The following DAPK1 variants were observed in gnomAD, a reference collection of about 807,000 sequenced individuals.
DAPK1 encodes death-associated protein kinase 1.
In DAPK1, 56 loss-of-function variants were observed where a neutral mutation model predicts 144.9. That is an observed-to-expected ratio of 0.39 (90% confidence interval 0.31 to 0.48). DAPK1 has a LOEUF of 0.48. Among genes scored for constraint, DAPK1 ranks in the 20% least tolerant of loss-of-function variants. The pLI, the probability that DAPK1 is intolerant of heterozygous loss-of-function variation, is 0.95. For missense variants in DAPK1, 1,454 were observed against 1,875.4 expected, an observed-to-expected ratio of 0.78 and a Z score of 4.15; for synonymous variants, 690 against 749.0, an observed-to-expected ratio of 0.92 and a Z score of 1.29.
At chr9:87,551,470 C>T (rs1826482906) in intron 2 of DAPK1, among the ~76,000 whole-genome samples, 1 of 152,156 alleles carries the variant, frequency 6.6e-6, no homozygotes, top group Admixed American at 6.5e-5. Context: ...TTAAGCCAAT[C>T]TGTTGGTTTC....
chr9:87,516,616 G>A (rs1825068177), intron 2 of DAPK1, among the ~76,000 whole-genome samples: 2 of 151,856 alleles, frequency 1.3e-5, no homozygotes, highest in South Asian at 4.2e-4. Flanking sequence ...ATTCTCTTAG[G>A]CCTCTGGTTT....
intron 2 of DAPK1, among the ~76,000 whole-genome samples, chr9:87,579,458 C>T (rs1283186655): frequency 6.6e-6 from 1 of 152,130 alleles, no homozygotes; most frequent in African/African-American, 2.4e-5. Flanking sequence ...CTTTGGGACC[C>T]TTCCAGAAGA....
chr9:87,690,915 C>A (rs1825032526), intron 21 of DAPK1, among the ~76,000 whole-genome samples: 1 of 151,874 alleles, frequency 6.6e-6, no homozygotes, highest in Admixed American at 6.6e-5. Context: ...ATTTGGTTTA[C>A]TAGTATATTG....
At chr9:87,583,647 C>T (rs574491626) in intron 2 of DAPK1, among the ~76,000 whole-genome samples, 4 of 152,250 alleles carry the variant, frequency 2.6e-5, no homozygotes, top group African/African-American at 7.2e-5. Context: ...TGCACCCCAC[C>T]GTGGAGTTCC....
chr9:87,626,526 A>C (rs1829502077), intron 3 of DAPK1, among the ~76,000 whole-genome samples: 1 of 152,228 alleles, frequency 6.6e-6, no homozygotes, highest in Admixed American at 6.5e-5. Flanking sequence ...AAGGTTATGC[A>C]GCCCAGCCTG....
intron 3 of DAPK1, among the ~76,000 whole-genome samples, chr9:87,624,886 G>C (rs988318234): frequency 2.1e-4 from 32 of 152,316 alleles, no homozygotes; most frequent in African/African-American, 7.5e-4. Flanking sequence ...AACACCCAGG[G>C]AGCATGTGAT....
At position 87,658,109 on chromosome 9, in the gene DAPK1, C is replaced by T. The variant is rs1230233700; in HGVS notation, c.1905C>T (p.Ser635=). 10 of 1,459,194 alleles carry T rather than the reference C, an allele frequency of 6.9e-6. No individual in the cohort carries two copies. The highest frequency in any genetic ancestry group is 6.7e-5 in the Admixed American group (4 of 59,388). The allele number at this position is 1,459,194 out of a possible 1,614,324, so 90.4% of individuals were successfully genotyped here. The change falls in exon 18 of 26, where the codon AGC becomes AGT. Residue 635 remains serine (S), a synonymous_variant. Coordinates refer to ENST00000408954, the MANE Select transcript of DAPK1 (RefSeq NM_004938.4). The part of the protein sequence containing the change: ...VVRYLCLMGA[S]VEALTTDGKT... Reference sequence around the variant, plus strand: ...GGTATCTCTGTCTGATGGGAGCCAGCGTTGAGGCGCTGACCACGGTGAGTG... The same window carrying T: ...GGTATCTCTGTCTGATGGGAGCCAGTGTTGAGGCGCTGACCACGGTGAGTG...
chr9:87,678,567 A>G (rs368421895), intron 19 of DAPK1, among the ~76,000 whole-genome samples: 14 of 152,264 alleles, frequency 9.2e-5, no homozygotes, highest in African/African-American at 3.1e-4. Flanking sequence ...TTATTTGCCA[A>G]TCTATAAAAT....
chr9:87,642,611 A>C (rs1830135098), intron 10 of DAPK1, among the ~76,000 whole-genome samples: 2 of 152,198 alleles, frequency 1.3e-5, no homozygotes, highest in Non-Finnish European at 2.9e-5. Context: ...TTCAGGGCTA[A>C]GAAGGTGATG....
intron 2 of DAPK1, among the ~76,000 whole-genome samples, chr9:87,550,519 CT>C (rs1489007192): frequency 6.6e-6 from 1 of 152,342 alleles, no homozygotes; most frequent in Non-Finnish European, 1.5e-5. Flanking sequence ...TGGCATTCTG[CT>C]TTTCTATGTC....
At chr9:87,612,846 G>A (rs903202027) in intron 3 of DAPK1, among the ~76,000 whole-genome samples, 4 of 152,142 alleles carry the variant, frequency 2.6e-5, no homozygotes, top group Non-Finnish European at 5.9e-5. Flanking sequence ...ACATCACCAG[G>A]TTCTGGCCTG....
intron 2 of DAPK1, among the ~76,000 whole-genome samples, chr9:87,549,454 A>G (rs1016327128): frequency 6.6e-6 from 1 of 152,200 alleles, no homozygotes; most frequent in Non-Finnish European, 1.5e-5. Context: ...GTTATATAGT[A>G]ATGAGATTGC....
At chr9:87,599,209 T>C (rs1376830178) in intron 2 of DAPK1, among the ~76,000 whole-genome samples, 1 of 152,244 alleles carries the variant, frequency 6.6e-6, no homozygotes, top group East Asian at 1.9e-4. Context: ...CATTTCTTAG[T>C]TATGCAACTT....
chr9:87,607,524 C>T (rs1284692374), intron 3 of DAPK1, among the ~76,000 whole-genome samples: 1 of 152,184 alleles, frequency 6.6e-6, no homozygotes, highest in Non-Finnish European at 1.5e-5. Flanking sequence ...GACCCCAATT[C>T]ATAGATAGTT....
intron 2 of DAPK1, among the ~76,000 whole-genome samples, chr9:87,516,754 C>T (rs753075883): frequency 5.9e-5 from 9 of 152,068 alleles, no homozygotes; most frequent in Non-Finnish European, 1.2e-4. Context: ...TATGTAGGCA[C>T]CCTGCGATTG....
intron 2 of DAPK1, among the ~76,000 whole-genome samples, chr9:87,557,536 G>C (rs1468901310): frequency 6.6e-6 from 1 of 152,054 alleles, no homozygotes; most frequent in African/African-American, 2.4e-5. Flanking sequence ...AATGATCTTG[G>C]GACAAAGCCA....
At chr9:87,676,865 C>G (rs944444077) in intron 19 of DAPK1, among the ~76,000 whole-genome samples, 1 of 152,214 alleles carries the variant, frequency 6.6e-6, no homozygotes, top group African/African-American at 2.4e-5. Context: ...CTGTCTGTTC[C>G]TGTCTCCTCT....
chr9:87,593,930 A>G (rs1402845391), intron 2 of DAPK1, among the ~76,000 whole-genome samples: 2 of 152,224 alleles, frequency 1.3e-5, no homozygotes, highest in Non-Finnish European at 2.9e-5. Flanking sequence ...GGAGCTGACC[A>G]GAACCACTCG....
At position 87,547,578 on chromosome 9, in the gene DAPK1, AGTGTGTGTGT is replaced by A. The variant is rs61564712; in HGVS notation, c.62+48457_62+48466del. On this transcript the variant is annotated intron_variant, in intron 2 of 25. Coordinates refer to ENST00000408954, the MANE Select transcript of DAPK1 (RefSeq NM_004938.4). ...CATAAGTGTGTGTGGAGAGAGAGAG[AGTGTGTGTGT>A]GTGTGTGTGTGTGTGTGCGTGTGTG... 2.6e-3 allele frequency among the ~76,000 whole-genome samples: 155 copies of A among 58,804 alleles called. 1 individual carries two copies. Among genetic ancestry groups the A allele is most frequent in the African/African-American group, 0.012 (146 of 12,664 alleles). 38.6% of individuals were successfully genotyped at this position (58,804 alleles called of 152,430 possible).
Sources: gnomAD v4.1 joint callset for allele counts (sites outside exome capture counted in the v4.1 genomes callset) on GRCh38, gnomAD v4.1.1 for gene constraint, MANE v1.5 for transcripts, NCBI Gene and HGNC (gene_info 2026-07-23, HGNC 2026-07-21) for gene names.